ANKFN1: variants seen among roughly 807,000 people sequenced by gnomAD.
ANKFN1 encodes the protein ankyrin repeat and fibronectin type-III domain-containing protein 1.
Under a neutral mutation model 108.7 loss-of-function variants are expected in ANKFN1, and 74 were observed. The observed-to-expected ratio is 0.68, with a 90% confidence interval of 0.56 to 0.83. The LOEUF is 0.83. ANKFN1 is among the 40% of genes least tolerant of loss of function. The probability of loss-of-function intolerance (pLI) is 0.00; values close to 1 mark genes in which losing one functional copy is unlikely to be tolerated. For synonymous variants in ANKFN1, 547 were observed against 516.2 expected (o/e 1.06, Z -0.81); for missense variants, 1,505 against 1,382.3 (o/e 1.09, Z -1.41).
At chr17:56,331,044 G>A (rs12386059) in intron 4 of ANKFN1, among the ~76,000 whole-genome samples, 75,764 of 151,904 alleles carry the variant, frequency 0.5, 19,276 homozygotes, top group Middle Eastern at 0.57. Flanking sequence ...ACAGCAGGTG[G>A]GGAATGGAAA....
intron 20 of ANKFN1, among the ~76,000 whole-genome samples, chr17:56,500,530 G>A (rs1455008763): frequency 6.6e-6 from 1 of 152,142 alleles, no homozygotes; most frequent in South Asian, 2.1e-4. Flanking sequence ...AAAATTACCT[G>A]GTAATTGCCT....
rs548268149 is a variant in ANKFN1, at chr17:56,173,652, G to C, written c.-71+20122G>C. 7.8e-4 allele frequency among the ~76,000 whole-genome samples: 118 copies of C among 152,062 alleles called. 3 individuals carry two copies. The highest frequency in any genetic ancestry group is 6.8e-3 in the Middle Eastern group (2 of 294). Reference sequence around the variant, plus strand: ...TTTATTTTCTTTTTTTGTAGCAACAGGTTCTCCCTATGTTGCCCAGGCTGG... The same window carrying C: ...TTTATTTTCTTTTTTTGTAGCAACACGTTCTCCCTATGTTGCCCAGGCTGG... On this transcript the variant is annotated intron_variant, in intron 1 of 20. Coordinates refer to ENST00000682825, the MANE Select transcript of ANKFN1 (RefSeq NM_001370326.1).
chr17:56,372,553 T>C (rs2046838453), intron 6 of ANKFN1, 93 bp from the exon 7 acceptor site: 11 of 1,196,000 alleles, frequency 9.2e-6, no homozygotes, highest in Non-Finnish European at 1.3e-5. Flanking sequence ...TTTTTTTTTT[T>C]TTCAAATCAT....
chr17:56,099,396 C>G (rs1022883899), intron 4 of ANKFN1, among the ~76,000 whole-genome samples: 1 of 152,122 alleles, frequency 6.6e-6, no homozygotes. Flanking sequence ...CTTAGAATTC[C>G]AAGCTTTCCT....
At chr17:56,172,711 C>A (rs1414346968) in intron 1 of ANKFN1, among the ~76,000 whole-genome samples, 1 of 152,138 alleles carries the variant, frequency 6.6e-6, no homozygotes, top group Non-Finnish European at 1.5e-5. Flanking sequence ...AGCTGTTTGG[C>A]CTGGAGAGCC....
At chr17:56,143,912 C>T (rs147880961) in intron 4 of ANKFN1, among the ~76,000 whole-genome samples, 116 of 152,236 alleles carry the variant, frequency 7.6e-4, no homozygotes, top group East Asian at 2.9e-3. Context: ...ACCTTGCTGA[C>T]GCCTGGATTT....
chr17:56,326,496 C>A, intron 4 of ANKFN1, 141 bp downstream of exon 4: 1 of 1,052,562 alleles, frequency 9.5e-7, no homozygotes. Flanking sequence ...GCAGGTGGTC[C>A]ATGAAGAATA....
At chr17:56,145,109 G>A (rs575633160) in intron 4 of ANKFN1, among the ~76,000 whole-genome samples, 49 of 152,280 alleles carry the variant, frequency 3.2e-4, no homozygotes, top group African/African-American at 1.1e-3. Flanking sequence ...AAAAGGGGTA[G>A]GTGTTTTTAA....
At chr17:56,183,556 T>C (rs919220685) in intron 1 of ANKFN1, among the ~76,000 whole-genome samples, 1 of 152,122 alleles carries the variant, frequency 6.6e-6, no homozygotes, top group African/African-American at 2.4e-5. Context: ...GTCTGGGACC[T>C]CCCCTTTCTC....
chr17:56,113,351 T>G (rs80074243), intron 4 of ANKFN1, among the ~76,000 whole-genome samples: 1,648 of 152,254 alleles, frequency 0.011, 25 homozygotes, highest in African/African-American at 0.037. Flanking sequence ...ATGAGACCGT[T>G]TAAGCTCAGA....
At chr17:56,190,416 T>C (rs1419664188) in intron 1 of ANKFN1, among the ~76,000 whole-genome samples, 2 of 117,378 alleles carry the variant, frequency 1.7e-5, no homozygotes, top group African/African-American at 6.9e-5. Context: ...TGTTGTGTCT[T>C]TGTTCTCGTT....
chr17:56,501,538 G>A (rs1418260633), intron 20 of ANKFN1, among the ~76,000 whole-genome samples: 1 of 152,150 alleles, frequency 6.6e-6, no homozygotes, highest in Non-Finnish European at 1.5e-5. Flanking sequence ...TGTTGAATTT[G>A]CGTTGGCTTT....
intron 20 of ANKFN1, among the ~76,000 whole-genome samples, chr17:56,501,861 A>G (rs532851231): frequency 1.3e-5 from 2 of 152,236 alleles, no homozygotes; most frequent in East Asian, 3.9e-4. Context: ...TAAATTCAAA[A>G]CCTGAAAAGC....
At chr17:56,334,413 G>T (rs372001102) in intron 4 of ANKFN1, among the ~76,000 whole-genome samples, 1 of 151,928 alleles carries the variant, frequency 6.6e-6, no homozygotes, top group South Asian at 2.1e-4. Context: ...TGTGACAAAT[G>T]GTTTCATGAG....
At chr17:56,372,555 T>C (rs79857227) in intron 6 of ANKFN1, 91 bp from the exon 7 acceptor site, 5 of 1,064,442 alleles carry the variant, frequency 4.7e-6, no homozygotes, top group South Asian at 1.6e-5. Flanking sequence ...TTTTTTTTTT[T>C]CAAATCATAG....
At chr17:56,282,631 CT>C (rs1424974659) in intron 3 of ANKFN1, among the ~76,000 whole-genome samples, 3 of 152,256 alleles carry the variant, frequency 2.0e-5, no homozygotes, top group African/African-American at 7.2e-5. Context: ...CAGTTTTCAT[CT>C]GCATATTTGA....
At chr17:56,071,023 C>T (rs1432198472) in intron 4 of ANKFN1, among the ~76,000 whole-genome samples, 1 of 152,142 alleles carries the variant, frequency 6.6e-6, no homozygotes, top group African/African-American at 2.4e-5. Flanking sequence ...CATAAGCCAC[C>T]GTGCCTTGTC....
At chr17:56,070,942 G>A (rs541790389) in intron 4 of ANKFN1, among the ~76,000 whole-genome samples, 25 of 151,948 alleles carry the variant, frequency 1.6e-4, no homozygotes, top group Non-Finnish European at 3.1e-4. Context: ...CACCATGTTG[G>A]CCAGGATGGT....
At chr17:56,324,469 G>A (rs1333050707) in intron 3 of ANKFN1, among the ~76,000 whole-genome samples, 2 of 152,094 alleles carry the variant, frequency 1.3e-5, no homozygotes, top group Non-Finnish European at 2.9e-5. Context: ...TGCATGGCAC[G>A]TGTAACTCAT....
Sources: allele counts gnomAD v4.1 joint callset (sites outside exome capture counted in the v4.1 genomes callset), GRCh38; gene constraint gnomAD v4.1.1; transcripts MANE v1.5; gene names NCBI Gene and HGNC (gene_info 2026-07-23, HGNC 2026-07-21).